The following CACNA2D4 variants were observed in gnomAD, a reference collection of about 807,000 sequenced individuals.
CACNA2D4 encodes voltage-dependent calcium channel subunit alpha-2/delta-4.
In CACNA2D4, 157 loss-of-function variants were observed where a neutral mutation model predicts 163.8. The ratio of observed to expected loss-of-function variants is 0.96; its 90% CI spans 0.84 to 1.09. The LOEUF (loss-of-function observed/expected upper bound fraction) is 1.09, where lower values mean the gene tolerates loss of function less well. Ranked by LOEUF, CACNA2D4 falls within the 50% of genes least tolerant of loss-of-function variation. The pLI is 0.00. For synonymous variants in CACNA2D4, 598 were observed against 586.9 expected (o/e 1.02, Z -0.27); for missense variants, 1,410 against 1,479.9 (o/e 0.95, Z 0.78).
intron 26 of CACNA2D4, among the ~76,000 whole-genome samples, chr12:1,824,484 A>G (rs1400236338): frequency 1.3e-5 from 2 of 152,134 alleles, no homozygotes; most frequent in Admixed American, 1.3e-4. Context: ...TCTCTCTGGA[A>G]GGGAGGCCAG....
At position 1,811,667 on chromosome 12, in the gene CACNA2D4, G is replaced by A. The variant is rs778241147; in HGVS notation, c.2608C>T (p.Arg870Trp). 1.5e-5 allele frequency: 23 copies of A among 1,559,282 alleles called. No individual in the cohort carries two copies. The African/African-American group carries it at 1.6e-4, about 11-fold the overall frequency. ...TGGCCCGACATCACACCTACCTGCC[G>A]CGTTGCCGCCCAGAATTTGCGCTGG... ...FLQRKFWAAT[R>W]QCSTVDGPCT... The change falls in exon 27 of 38, where the codon CGG becomes TGG. Residue 870 changes from arginine (R) to tryptophan (W), a missense_variant. Transcript: ENST00000382722.
chr12:1,903,354 C>T (rs1180292165), intron 6 of CACNA2D4, among the ~76,000 whole-genome samples: 1 of 151,860 alleles, frequency 6.6e-6, no homozygotes, highest in Non-Finnish European at 1.5e-5. Context: ...CCAAAGCAAA[C>T]ATTGATAAAT....
At chr12:1,847,648 G>A (rs567585007) in intron 23 of CACNA2D4, among the ~76,000 whole-genome samples, 1 of 152,290 alleles carries the variant, frequency 6.6e-6, no homozygotes. Context: ...CAGGGCCTAA[G>A]CTCCCCTAAA....
rs189066664 is a variant in CACNA2D4 at position 1,810,282 on chromosome 12, C to A, written c.2717G>T (p.Arg906Leu). 6.2e-7 allele frequency: 1 copy of A among 1,612,904 alleles called. No homozygotes were observed. Among genetic ancestry groups the A allele is most frequent in the Non-Finnish European group, 8.5e-7 (1 of 1,178,944 alleles). The change falls in exon 29 of 38, where the codon CGA becomes CTA. Residue 906 changes from arginine (R) to leucine (L), a missense_variant. By Grantham distance (102) the Arg-to-Leu change is moderately radical (BLOSUM62 -2). Transcript: ENST00000382722. ...NGFILISKRS[R>L]ETGRFLGEVD... ...TCTATATCCCCAGTGACTCACCTCT[C>A]GGGACCTCTTGGAGATCAGAATGAA... is the stretch of plus-strand genomic sequence containing the variant.
At chr12:1,839,674 TG>T (rs1278201171) in intron 26 of CACNA2D4, among the ~76,000 whole-genome samples, 2 of 152,222 alleles carry the variant, frequency 1.3e-5, no homozygotes, top group Admixed American at 1.3e-4. Context: ...CAGTCCACAG[TG>T]CCCGGCACAC....
rs2154454125 is a variant in CACNA2D4, at chr12:1,918,229, G to T, written c.227+18C>A. 1 of 1,574,182 alleles carries T rather than the reference G, an allele frequency of 6.4e-7. No homozygotes were observed. The highest frequency in any genetic ancestry group is 8.7e-7 in the Non-Finnish European group (1 of 1,153,160). On this transcript the variant is annotated intron_variant, in intron 1 of 37. Coordinates refer to ENST00000382722, the MANE Select transcript of CACNA2D4 (RefSeq NM_172364.5). ...AGGGTGACCGGGTTTTTGGGGTGGGGTTGAACGTGATGCTTACGTTTCCAG... is the reference window on the plus strand; with the variant it reads ...AGGGTGACCGGGTTTTTGGGGTGGGTTTGAACGTGATGCTTACGTTTCCAG...
Position 1,907,491 on chromosome 12 carries a change from A to G in CACNA2D4, c.730T>C (p.Leu244=), listed in dbSNP as rs752886225. The change falls in exon 6 of 38, where the codon TTG becomes CTG. Residue 244 remains leucine, a synonymous_variant. Coordinates refer to ENST00000382722, the MANE Select transcript of CACNA2D4 (RefSeq NM_172364.5). The part of the protein sequence containing the change: ...FVENFQRDPT[L]TWQYFGSATG... The stretch of plus-strand genomic sequence containing the variant: ...GCACTGCCAAAATATTGCCAGGTCA[A>G]CGTTGGGTCTCTCTGGAAGTTCTCC... The G allele has an allele frequency of 5.6e-6, 9 of 1,613,888 alleles. No individual in the cohort carries two copies. The highest frequency in any genetic ancestry group is 2.7e-5 in the African/African-American group (2 of 74,948).
rs1592672726 is a variant in CACNA2D4 at position 1,820,229 on chromosome 12, C to G, written c.2552-8506G>C. 6.6e-6 allele frequency: 1 copy of G among 151,196 alleles called. No individual in the cohort carries two copies. Among genetic ancestry groups the G allele is most frequent in the South Asian group, 2.1e-4 (1 of 4,828 alleles). 9.4% of individuals were successfully genotyped at this position (151,196 alleles called of 1,614,324 possible). On this transcript the variant is annotated intron_variant, in intron 26 of 37. Transcript: ENST00000382722. The surrounding 1 kb of genome is among the most constrained non-coding windows in gnomAD (Gnocchi z 6.0). ...TGGAGGGGAAGAGAGGAGAGAGGCA[C>G]AGAAGACAGGTGCAGCCGGGGGGGT...
chr12:1,896,692 T>C (rs1286427111), intron 6 of CACNA2D4, among the ~76,000 whole-genome samples: 1 of 136,876 alleles, frequency 7.3e-6, no homozygotes, highest in Non-Finnish European at 1.6e-5. Flanking sequence ...AAAAAGAAAC[T>C]CATATGCCAT....
intron 2 of CACNA2D4, among the ~76,000 whole-genome samples, chr12:1,913,807 G>A (rs1305450922): frequency 2.0e-5 from 3 of 152,224 alleles, no homozygotes; most frequent in East Asian, 1.9e-4. Flanking sequence ...TGTATTGGCC[G>A]TGTGACCACA....
intron 26 of CACNA2D4, among the ~76,000 whole-genome samples, chr12:1,821,502 G>T (rs151051221): frequency 6.6e-6 from 1 of 152,338 alleles, no homozygotes; most frequent in Non-Finnish European, 1.5e-5. Flanking sequence ...TAGCCCAAGG[G>T]CAAGACAGGA....
rs1271359133 is a variant in CACNA2D4, at chr12:1,878,386, C to T, written c.1648G>A (p.Gly550Arg). Residue 550 changes from glycine to arginine, a missense_variant, in exon 16 of 38, where the codon GGA becomes AGA. By Grantham distance (125) the Gly-to-Arg change is moderately radical. Coordinates refer to ENST00000382722, the MANE Select transcript of CACNA2D4 (RefSeq NM_172364.5). This position sits in a 1 kb window ranked among gnomAD's most constrained non-coding sequence, Gnocchi z 4.6. Reference protein sequence around the residue: ...LMKLAPRYKLGVHGYAFLNTN... With the variant: ...LMKLAPRYKLRVHGYAFLNTN... ...TTCAGAAAGGCGTATCCGTGCACTC[C>T]AAGCTGCCAGAGTCCAGGGTGGAGG... The T allele has an allele frequency of 6.2e-7, 1 of 1,601,210 alleles. No individual in the cohort carries two copies. The highest frequency in any genetic ancestry group is 1.3e-5 in the African/African-American group (1 of 74,740).
At chr12:1,894,261 A>G (rs1171954254) in intron 6 of CACNA2D4, among the ~76,000 whole-genome samples, 1 of 152,220 alleles carries the variant, frequency 6.6e-6, no homozygotes, top group Non-Finnish European at 1.5e-5. Context: ...CTCCCAACAA[A>G]GGAAAATCTA....
chr12:1,891,890 TA>T (rs1226794511), intron 6 of CACNA2D4, among the ~76,000 whole-genome samples: 18 of 152,010 alleles, frequency 1.2e-4, no homozygotes, highest in African/African-American at 3.9e-4. Flanking sequence ...AAATTTTCTT[TA>T]AAAAAAGAAT....
chr12:1,829,692 G>A lies in CACNA2D4; in HGVS notation c.2551+11047C>T, dbSNP rs768272324. ...GTTCAGACCCAGCTCACAGCCCATCGGCCCACCCCGACCTGGGACAGCCAG... is the reference window on the plus strand; with the variant it reads ...GTTCAGACCCAGCTCACAGCCCATCAGCCCACCCCGACCTGGGACAGCCAG... On this transcript the variant is annotated intron_variant, in intron 26 of 37. Coordinates refer to ENST00000382722, the MANE Select transcript of CACNA2D4 (RefSeq NM_172364.5). The surrounding 1 kb of genome is among the most constrained non-coding windows in gnomAD (Gnocchi z 4.2). 6.1e-5 allele frequency among the ~76,000 whole-genome samples: 9 copies of A among 147,992 alleles called. No individual in the cohort carries two copies. Among genetic ancestry groups the A allele is most frequent in the South Asian group, 2.3e-4 (1 of 4,432 alleles).
Position 1,811,656 on chromosome 12 carries a change from A to T in CACNA2D4, c.2613+6T>A, listed in dbSNP as rs1261890222. 3 of 1,558,930 alleles carry T rather than the reference A, an allele frequency of 1.9e-6. No individual in the cohort carries two copies. In the African/African-American group the frequency reaches 4.1e-5, roughly 21 times the overall value. ...CAGCCCCGACCTGGCCCGACATCAC[A>T]CCTACCTGCCGCGTTGCCGCCCAGA... On this transcript the variant is annotated splice_donor_region_variant and intron_variant, in intron 27 of 37. Transcript: ENST00000382722.
chr12:1,852,405 C>T (rs1565711090), intron 23 of CACNA2D4, among the ~76,000 whole-genome samples: 1 of 152,156 alleles, frequency 6.6e-6, no homozygotes, highest in Non-Finnish European at 1.5e-5. Flanking sequence ...CATGGCAGCT[C>T]ATGCCTGTAA....
intron 6 of CACNA2D4, among the ~76,000 whole-genome samples, chr12:1,903,134 A>G (rs192789513): frequency 6.6e-6 from 1 of 152,264 alleles, no homozygotes; most frequent in Non-Finnish European, 1.5e-5. Flanking sequence ...CTCTTCAATA[A>G]ATGGTGCTGG....
intron 29 of CACNA2D4, among the ~76,000 whole-genome samples, chr12:1,809,840 G>A (rs956399951): frequency 6.6e-6 from 1 of 152,234 alleles, no homozygotes; most frequent in Non-Finnish European, 1.5e-5. Flanking sequence ...AGAACATGAA[G>A]TGGGGAAGCC....
Sources: gnomAD v4.1 joint callset for allele counts (sites outside exome capture counted in the v4.1 genomes callset) on GRCh38, gnomAD v4.1.1 for gene constraint, Gnocchi (gnomAD v3.1) non-coding constraint, MANE v1.5 for transcripts, NCBI Gene and HGNC (gene_info 2026-07-23, HGNC 2026-07-21) for gene names.